Variants in NVL observed in about 807,000 individuals in gnomAD.
NVL encodes the protein nuclear VCP like, also known as nuclear valosin-containing protein-like.
NVL carries 84 observed loss-of-function variants against 110.2 expected under a neutral mutation model. That is an observed-to-expected ratio of 0.76 (90% CI 0.64 to 0.91). NVL has a LOEUF of 0.91. Among genes scored for constraint, NVL ranks in the 40% least tolerant of loss-of-function variants. The pLI is 0.00. For synonymous variants in NVL, 354 were observed against 361.1 expected (o/e 0.98, Z 0.22); for missense variants, 882 against 1,035.9 (o/e 0.85, Z 2.04).
At chr1:224,266,397 T>C (rs6682667) in intron 18 of NVL, among the ~76,000 whole-genome samples, 21,991 of 152,194 alleles carry the variant, frequency 0.14, 3,156 homozygotes, top group African/African-American at 0.37. Flanking sequence ...TTTGTCCACC[T>C]TTACTCATGG....
chr1:224,250,906 C>A (rs1226419848), intron 18 of NVL, among the ~76,000 whole-genome samples: 1 of 152,182 alleles, frequency 6.6e-6, no homozygotes, highest in Non-Finnish European at 1.5e-5. Flanking sequence ...ATCCGCCCTT[C>A]TCGGCCTCCC....
chr1:224,251,594 C>T (rs1039733554), intron 18 of NVL, among the ~76,000 whole-genome samples: 1 of 152,154 alleles, frequency 6.6e-6, no homozygotes, highest in Non-Finnish European at 1.5e-5. Context: ...GAGCGGAGAT[C>T]GTGCCACTGC....
intron 17 of NVL, 36 bp downstream of exon 17, chr1:224,275,303 A>G: frequency 1.2e-6 from 2 of 1,613,246 alleles, no homozygotes; most frequent in Non-Finnish European, 1.7e-6. Context: ...TTATTGTGCT[A>G]AAAGAATCTG....
intron 14 of NVL, among the ~76,000 whole-genome samples, chr1:224,287,396 A>G (rs1666972002): frequency 1.3e-5 from 2 of 152,236 alleles, no homozygotes; most frequent in Non-Finnish European, 2.9e-5. Context: ...CTAGAAGAAA[A>G]AAGTATATTT....
Position 224,250,321 on chromosome 1 carries a change from A to G in NVL, c.2183-3T>C. 1 of 1,552,848 alleles carries G rather than the reference A, an allele frequency of 6.4e-7. No individual in the cohort carries two copies. The highest frequency in any genetic ancestry group is 8.6e-7 in the Non-Finnish European group (1 of 1,157,016). ...CAGGATTGCAGGGTCAATTATATCTAGAGAAGAAGGGAGAAAAAAAGTCTT... is the reference window on the plus strand; with the variant it reads ...CAGGATTGCAGGGTCAATTATATCTGGAGAAGAAGGGAGAAAAAAAGTCTT... On this transcript the variant is annotated splice_polypyrimidine_tract_variant and splice_region_variant and intron_variant, in intron 18 of 22. Coordinates refer to ENST00000281701, the MANE Select transcript of NVL (RefSeq NM_002533.4).
chr1:224,233,055 A>G, intron 21 of NVL, 146 bp downstream of exon 21: 1 of 591,468 alleles, frequency 1.7e-6, no homozygotes, highest in African/African-American at 1.9e-5. Context: ...GTTACCTAAT[A>G]TTTCAGAACA....
At chr1:224,310,795 A>G (rs1008088488) in intron 5 of NVL, among the ~76,000 whole-genome samples, 1 of 151,494 alleles carries the variant, frequency 6.6e-6, no homozygotes, top group Non-Finnish European at 1.5e-5. Context: ...GAATGGCACA[A>G]TCATAGCTCA....
At chr1:224,320,646 C>CAA (rs776623845) in intron 2 of NVL, among the ~76,000 whole-genome samples, 18 of 130,554 alleles carry the variant, frequency 1.4e-4, no homozygotes, top group African/African-American at 3.0e-4. Flanking sequence ...GACTCCATCT[C>CAA]AAAAAAAAAA....
intron 9 of NVL, among the ~76,000 whole-genome samples, chr1:224,302,339 T>C (rs936607581): frequency 2.6e-5 from 4 of 152,164 alleles, no homozygotes; most frequent in Non-Finnish European, 5.9e-5. Flanking sequence ...TAGCTGGGAT[T>C]GCAGGCATGC....
At chr1:224,264,734 A>C (rs1455723432) in intron 18 of NVL, among the ~76,000 whole-genome samples, 1 of 52,322 alleles carries the variant, frequency 1.9e-5, no homozygotes, top group East Asian at 6.7e-4. Context: ...AAGATCTAGA[A>C]CGTTTATTAT....
rs565027641 is a variant in NVL, at chr1:224,325,383, G to A, written c.131+1008C>T. Reference sequence around the variant, plus strand: ...GGTCAGGTGTTCCAGACCAACCTGGGCAAATACAGAAGGCCCTGTCTCCAC... The same window carrying A: ...GGTCAGGTGTTCCAGACCAACCTGGACAAATACAGAAGGCCCTGTCTCCAC... On this transcript the variant is annotated intron_variant, in intron 2 of 22. Transcript: ENST00000281701. Among the ~76,000 whole-genome samples, 5 of 151,330 alleles carry A rather than the reference G, an allele frequency of 3.3e-5. 1 individual carries two copies. In the East Asian group the frequency reaches 5.8e-4, roughly 18 times the overall value.
chr1:224,251,002 G>A (rs552722503), intron 18 of NVL, among the ~76,000 whole-genome samples: 112 of 151,848 alleles, frequency 7.4e-4, no homozygotes, highest in Non-Finnish European at 1.3e-3. Context: ...GGCTGGGCGC[G>A]GGGGCTCACA....
chr1:224,326,489 C>T, intron 1 of NVL, 25 bp from the exon 2 acceptor site: 1 of 1,450,874 alleles, frequency 6.9e-7, no homozygotes, highest in Non-Finnish European at 9.7e-7. Flanking sequence ...ATAACAAATA[C>T]AAAACACCCA....
At chr1:224,231,631 C>T (rs557698295) in intron 21 of NVL, among the ~76,000 whole-genome samples, 3 of 152,180 alleles carry the variant, frequency 2.0e-5, no homozygotes, top group Non-Finnish European at 4.4e-5. Context: ...AAGTAGGATT[C>T]CATAGTATTA....
chr1:224,314,845 A>ACC (rs1332190286), intron 4 of NVL, among the ~76,000 whole-genome samples: 2 of 151,894 alleles, frequency 1.3e-5, no homozygotes, highest in Non-Finnish European at 2.9e-5. Flanking sequence ...TCCAATTAAT[A>ACC]CCCTTTTTTT....
At chr1:224,267,712 T>C (rs1396003570) in intron 18 of NVL, among the ~76,000 whole-genome samples, 1 of 148,976 alleles carries the variant, frequency 6.7e-6, no homozygotes. Context: ...AAAAAGTGTA[T>C]GCTGCAACTG....
At chr1:224,252,010 T>C (rs964460484) in intron 18 of NVL, among the ~76,000 whole-genome samples, 3 of 152,224 alleles carry the variant, frequency 2.0e-5, no homozygotes, top group East Asian at 1.9e-4. Flanking sequence ...GCTGTCACTA[T>C]GGCAGGAAAT....
chr1:224,242,826 GTT>G (rs35271187), intron 19 of NVL, among the ~76,000 whole-genome samples: 71 of 124,580 alleles, frequency 5.7e-4, no homozygotes, highest in African/African-American at 1.8e-3. Flanking sequence ...ATTAATGCTT[GTT>G]TTTTTTTTTT....
intron 9 of NVL, chr1:224,301,797 T>TAA: frequency 1.4e-5 from 1 of 73,104 alleles, no homozygotes. Context: ...AAAATCTGTT[T>TAA]CAAAAAAAAA....
Sources: allele counts gnomAD v4.1 joint callset (sites outside exome capture counted in the v4.1 genomes callset), GRCh38; gene constraint gnomAD v4.1.1; transcripts MANE v1.5; gene names NCBI Gene and HGNC (gene_info 2026-07-23, HGNC 2026-07-21).